The following MRPL3 variants were observed in gnomAD, a reference collection of about 807,000 sequenced individuals.
MRPL3 encodes mitochondrial ribosomal protein L3.
In MRPL3, 43 loss-of-function variants were observed where a neutral mutation model predicts 44.3. The observed-to-expected ratio is 0.97, with a 90% CI of 0.76 to 1.25. The LOEUF (loss-of-function observed/expected upper bound fraction) is 1.25. Among genes scored for constraint, MRPL3 ranks in the 50% most tolerant of loss-of-function variants. The pLI, the probability that MRPL3 is intolerant of heterozygous loss-of-function variation, is 0.00. For synonymous variants in MRPL3, 171 were observed against 152.3 expected, an observed-to-expected ratio of 1.12 and a Z score of -0.91; for missense variants, 406 against 427.6, an observed-to-expected ratio of 0.95 and a Z score of 0.45.
At chr3:131,494,722 A>G (rs1370398528) in intron 4 of MRPL3, among the ~76,000 whole-genome samples, 1 of 152,242 alleles carries the variant, frequency 6.6e-6, no homozygotes, top group Non-Finnish European at 1.5e-5. Context: ...AAAATATTAT[A>G]AAACTAATTA....
chr3:131,467,848 G>T (rs1358765911), intron 9 of MRPL3, among the ~76,000 whole-genome samples: 1 of 152,024 alleles, frequency 6.6e-6, no homozygotes, highest in African/African-American at 2.4e-5. Context: ...TGGTTTGAAA[G>T]AAATAGAATA....
intron 6 of MRPL3, chr3:131,479,089 C>T: frequency 4.0e-6 from 2 of 496,698 alleles, no homozygotes; most frequent in Admixed American, 2.2e-5. Flanking sequence ...TTCTTTTTTT[C>T]TTCAGGGAAA....
intron 3 of MRPL3, among the ~76,000 whole-genome samples, chr3:131,498,675 C>A (rs1934426462): frequency 7.4e-6 from 1 of 134,372 alleles, no homozygotes; most frequent in South Asian, 2.4e-4. Flanking sequence ...GCACTCCAGC[C>A]TGGGGGACAG....
At chr3:131,500,187 A>G (rs958650038) in intron 3 of MRPL3, among the ~76,000 whole-genome samples, 3 of 151,346 alleles carry the variant, frequency 2.0e-5, no homozygotes, top group African/African-American at 7.4e-5. Flanking sequence ...AGGCTAGGTT[A>G]TACTTAAAAA....
intron 3 of MRPL3, among the ~76,000 whole-genome samples, chr3:131,500,223 A>G (rs1190430921): frequency 6.6e-6 from 1 of 152,228 alleles, no homozygotes; most frequent in Non-Finnish European, 1.5e-5. Flanking sequence ...AGTTATCCCA[A>G]TACCAGTATC....
chr3:131,501,783 G>C (rs1934502693), intron 1 of MRPL3, 68 bp from the exon 2 acceptor site: 1 of 1,589,692 alleles, frequency 6.3e-7, no homozygotes, highest in Admixed American at 1.8e-5. Flanking sequence ...ATATAGAAAA[G>C]GGAAGTCACA....
intron 4 of MRPL3, among the ~76,000 whole-genome samples, chr3:131,490,992 C>T (rs1487310167): frequency 6.6e-6 from 1 of 152,196 alleles, no homozygotes; most frequent in Non-Finnish European, 1.5e-5. Context: ...AAATTGTCCC[C>T]ACTCTCTTCT....
At chr3:131,462,972 TTTTC>T in intron 9 of MRPL3, 97 bp from the exon 10 acceptor site, 2 of 995,406 alleles carry the variant, frequency 2.0e-6, no homozygotes, top group Non-Finnish European at 2.9e-6. Context: ...CGCTACTACA[TTTTC>T]TAATGTGAAT....
chr3:131,468,240 T>G, intron 8 of MRPL3, 72 bp from the exon 9 acceptor site: 1 of 826,386 alleles, frequency 1.2e-6, no homozygotes, highest in Non-Finnish European at 1.9e-6. Context: ...AAGCTGAGGA[T>G]GTAAGTTGCT....
Position 131,462,324 on chromosome 3 carries a change from T to C in MRPL3, c.*399A>G, listed in dbSNP as rs1402777621. 1 of 156,020 alleles carries C rather than the reference T, an allele frequency of 6.4e-6. No homozygotes were observed. The highest frequency in any genetic ancestry group is 1.4e-5 in the Non-Finnish European group (1 of 70,480). The allele number at this position is 156,020 out of a possible 1,614,324, so 9.7% of individuals were successfully genotyped here. ...TTAGCAAATGGTTTCTTTACCCAAATAGGTTGCACTATAGTCCCCATATGG... is the reference window on the plus strand; with the variant it reads ...TTAGCAAATGGTTTCTTTACCCAAACAGGTTGCACTATAGTCCCCATATGG... On this transcript the variant is annotated 3_prime_UTR_variant, in exon 10 of 10. Transcript: ENST00000264995.
intron 3 of MRPL3, 88 bp from the exon 4 acceptor site, chr3:131,498,365 A>G: frequency 1.4e-6 from 1 of 731,324 alleles, no homozygotes; most frequent in Non-Finnish European, 2.3e-6. Context: ...TAGGACAAAT[A>G]GGAATTCCCT....
chr3:131,481,652 A>G (rs1933989502), intron 6 of MRPL3, among the ~76,000 whole-genome samples: 1 of 152,198 alleles, frequency 6.6e-6, no homozygotes, highest in Non-Finnish European at 1.5e-5. Context: ...ACTATAGATG[A>G]CCACTAATAA....
chr3:131,470,331 G>A (rs924799959), intron 7 of MRPL3, among the ~76,000 whole-genome samples: 4 of 152,020 alleles, frequency 2.6e-5, no homozygotes, highest in Admixed American at 2.0e-4. Flanking sequence ...TCTGATAACG[G>A]GTAATAGTTC....
chr3:131,472,535 A>C (rs148333181), intron 6 of MRPL3, among the ~76,000 whole-genome samples: 1,904 of 152,312 alleles, frequency 0.013, 17 homozygotes, highest in East Asian at 0.035. Context: ...CAGGAACAAG[A>C]CAAGTATGCC....
chr3:131,471,312 G>A, intron 6 of MRPL3, 33 bp from the exon 7 acceptor site: 2 of 1,434,878 alleles, frequency 1.4e-6, no homozygotes. Context: ...TTTACATAAT[G>A]AAAAGAGCAT....
At chr3:131,501,881 C>A (rs1934504936) in intron 1 of MRPL3, 166 bp from the exon 2 acceptor site, 2 of 1,540,330 alleles carry the variant, frequency 1.3e-6, no homozygotes, top group Non-Finnish European at 1.7e-6. Flanking sequence ...TCACTCCCCA[C>A]ATTCCTTCGG....
intron 6 of MRPL3, among the ~76,000 whole-genome samples, chr3:131,486,482 A>G (rs971413912): frequency 1.3e-5 from 2 of 149,668 alleles, no homozygotes; most frequent in Non-Finnish European, 3.0e-5. Flanking sequence ...GTTTTAGGGT[A>G]CATGTGCACA....
chr3:131,473,891 C>T (rs770991308), intron 6 of MRPL3, among the ~76,000 whole-genome samples: 1 of 151,946 alleles, frequency 6.6e-6, no homozygotes, highest in Non-Finnish European at 1.5e-5. Context: ...TGGCTACTGT[C>T]AAAAAGACAA....
intron 6 of MRPL3, 54 bp from the exon 7 acceptor site, chr3:131,471,333 C>CAATT (rs1933738252): frequency 1.7e-6 from 2 of 1,191,614 alleles, no homozygotes; most frequent in Non-Finnish European, 2.5e-6. Flanking sequence ...AGACCATTCC[C>CAATT]AATTGTACAC....
Sources: allele counts gnomAD v4.1 joint callset (sites outside exome capture counted in the v4.1 genomes callset), GRCh38; gene constraint gnomAD v4.1.1; transcripts MANE v1.5; gene names NCBI Gene and HGNC (gene_info 2026-07-23, HGNC 2026-07-21).